NR3C2: variants seen among roughly 807,000 people sequenced by gnomAD.
NR3C2 encodes the protein mineralocorticoid receptor.
NR3C2 carries 15 observed loss-of-function variants against 86.4 expected under a neutral mutation model. The ratio of observed to expected loss-of-function variants is 0.17; its 90% confidence interval spans 0.12 to 0.27. NR3C2 has a LOEUF of 0.27. Ranked by LOEUF, NR3C2 falls within the 10% of genes least tolerant of loss-of-function variation. The pLI is 1.00. For missense variants in NR3C2, 960 were observed against 1,195.6 expected (o/e 0.80, Z 2.91); for synonymous variants, 458 against 450.5 (o/e 1.02, Z -0.21).
intron 3 of NR3C2, among the ~76,000 whole-genome samples, chr4:148,218,577 A>G (rs147666925): frequency 1.0e-3 from 153 of 152,164 alleles, no homozygotes; most frequent in Non-Finnish European, 1.9e-3. Flanking sequence ...TAAGTGCCCA[A>G]TTAGTCAATT....
chr4:148,303,922 C>T (rs1475422519), intron 2 of NR3C2, among the ~76,000 whole-genome samples: 1 of 152,222 alleles, frequency 6.6e-6, no homozygotes, highest in African/African-American at 2.4e-5. Flanking sequence ...GTTAAAGGCG[C>T]GTTGACCCCC....
Position 148,168,019 on chromosome 4 carries a change from C to T in NR3C2, c.2015-13118G>A, listed in dbSNP as rs72653834. On this transcript the variant is annotated intron_variant, in intron 4 of 8. Transcript: ENST00000358102. ...AGCAAACAAGCAGGCGGTCCTGCCA[C>T]TTCTAACCTTGAGAGAGTCTGAAGA... is the stretch of plus-strand genomic sequence containing the variant. 8.6e-3 allele frequency among the ~76,000 whole-genome samples: 1,309 copies of T among 152,322 alleles called. 13 individuals carry two copies. Among genetic ancestry groups the T allele is most frequent in the Middle Eastern group, 0.017 (5 of 294 alleles).
intron 3 of NR3C2, among the ~76,000 whole-genome samples, chr4:148,214,621 TCCAGCATCTTG>T (rs1737435702): frequency 6.6e-6 from 1 of 152,140 alleles, no homozygotes; most frequent in South Asian, 2.1e-4. Context: ...AAATGTGGGA[TCCAGCATCTTG>T]CCACAGAGCT....
At chr4:148,166,304 C>T (rs1367886462) in intron 4 of NR3C2, among the ~76,000 whole-genome samples, 1 of 152,194 alleles carries the variant, frequency 6.6e-6, no homozygotes, top group Non-Finnish European at 1.5e-5. Flanking sequence ...TCTTGAGGCA[C>T]TTTGATGATG....
rs988161277 is a variant in NR3C2 at position 148,079,476 on chromosome 4, G to A, written c.*1868C>T. On this transcript the variant is annotated 3_prime_UTR_variant, in exon 9 of 9. Transcript: ENST00000358102. ...TTCCTCGTGGCCATGGGCTTCTCCA[G>A]CTACAGCTTTTAGATTTTGGAAAAT... 1 of 152,542 alleles carries A rather than the reference G, an allele frequency of 6.6e-6. No homozygotes were observed. Among genetic ancestry groups the A allele is most frequent in the African/African-American group, 2.4e-5 (1 of 41,422 alleles). 9.4% of individuals were successfully genotyped at this position (152,542 alleles called of 1,614,324 possible).
At chr4:148,432,518 A>G (rs1270905950) in intron 2 of NR3C2, among the ~76,000 whole-genome samples, 1 of 152,156 alleles carries the variant, frequency 6.6e-6, no homozygotes, top group Non-Finnish European at 1.5e-5. Flanking sequence ...ACTTCCTTGA[A>G]AAGGTCTCAG....
intron 2 of NR3C2, among the ~76,000 whole-genome samples, chr4:148,326,400 C>CAAAA (rs1554009039): frequency 6.6e-6 from 1 of 151,274 alleles, no homozygotes; most frequent in Admixed American, 6.6e-5. Flanking sequence ...GACTCCATCT[C>CAAAA]AAATAAATAA....
At chr4:148,261,720 C>A (rs1740133083) in intron 2 of NR3C2, among the ~76,000 whole-genome samples, 1 of 152,086 alleles carries the variant, frequency 6.6e-6, no homozygotes, top group Admixed American at 6.5e-5. Context: ...GCCTCCAAGC[C>A]AAACAGCAGA....
chr4:148,134,641 C>CTT lies in NR3C2; in HGVS notation c.2511-14354_2511-14353insAA, dbSNP rs1379133428. Among the ~76,000 whole-genome samples the CTT allele has an allele frequency of 3.8e-3, 229 of 60,934 alleles. 20 individuals carry two copies. The highest frequency in any genetic ancestry group is 5.4e-3 in the Non-Finnish European group (160 of 29,698). 40.0% of individuals were successfully genotyped at this position (60,934 alleles called of 152,430 possible). Reference sequence around the variant, plus strand: ...TCCCTGTGATTCTCTCTCTCTCTCTCTCTTTTTTTTTTTTTTTTTTTTTTT... The same window carrying CTT: ...TCCCTGTGATTCTCTCTCTCTCTCTCTTTCTTTTTTTTTTTTTTTTTTTTTTT... On this transcript the variant is annotated intron_variant, in intron 6 of 8. Transcript: ENST00000358102.
chr4:148,137,941 A>G (rs1280527425), intron 6 of NR3C2, among the ~76,000 whole-genome samples: 1 of 152,178 alleles, frequency 6.6e-6, no homozygotes, highest in Non-Finnish European at 1.5e-5. Flanking sequence ...GTTTTATGTT[A>G]TTTATAATAT....
intron 2 of NR3C2, among the ~76,000 whole-genome samples, chr4:148,425,769 A>G (rs905023535): frequency 1.3e-5 from 2 of 152,194 alleles, no homozygotes; most frequent in African/African-American, 4.8e-5. Context: ...CTGGCTGCCT[A>G]TTATTTAGGA....
intron 6 of NR3C2, 190 bp downstream of exon 6, chr4:148,152,279 A>G: frequency 1.7e-6 from 1 of 572,866 alleles, no homozygotes; most frequent in Non-Finnish European, 3.1e-6. Flanking sequence ...ATATACACTC[A>G]GAAGCATACA....
At chr4:148,091,763 A>T (rs900018162) in intron 8 of NR3C2, among the ~76,000 whole-genome samples, 1 of 152,372 alleles carries the variant, frequency 6.6e-6, no homozygotes, top group South Asian at 2.1e-4. Context: ...ATGCATACAA[A>T]GCACTTGTAC....
intron 4 of NR3C2, among the ~76,000 whole-genome samples, chr4:148,161,667 A>G (rs563326370): frequency 1.3e-5 from 2 of 152,298 alleles, no homozygotes; most frequent in African/African-American, 4.8e-5. Flanking sequence ...CTGCATCTAT[A>G]TCTATAATAA....
chr4:148,276,212 G>C (rs1428658802), intron 2 of NR3C2, among the ~76,000 whole-genome samples: 1 of 152,070 alleles, frequency 6.6e-6, no homozygotes, highest in Non-Finnish European at 1.5e-5. Context: ...CGTGCAGTGG[G>C]GGACACCAGA....
chr4:148,175,217 A>G (rs72945966), intron 4 of NR3C2, among the ~76,000 whole-genome samples: 26,176 of 152,194 alleles, frequency 0.17, 2,537 homozygotes, highest in African/African-American at 0.25. Context: ...AAAAAAACCA[A>G]TGAAAGGACC....
upstream of NR3C2, chr4:148,444,084 C>G (rs2301280): frequency 0.011 from 10,743 of 985,406 alleles, 64 homozygotes; most frequent in East Asian, 0.037. Flanking sequence ...CCCGGCCCAG[C>G]GAACTGGGCA....
At chr4:148,354,726 A>G (rs1003773979) in intron 2 of NR3C2, among the ~76,000 whole-genome samples, 1 of 152,188 alleles carries the variant, frequency 6.6e-6, no homozygotes, top group Non-Finnish European at 1.5e-5. Flanking sequence ...ACATTCGTAT[A>G]TAAAGTATCT....
At chr4:148,125,617 T>C (rs558303873) in intron 6 of NR3C2, among the ~76,000 whole-genome samples, 9 of 152,218 alleles carry the variant, frequency 5.9e-5, no homozygotes, top group Middle Eastern at 3.2e-3. Context: ...TCTGTGTGTT[T>C]AGAAAAATTT....
Sources: allele counts gnomAD v4.1 joint callset (sites outside exome capture counted in the v4.1 genomes callset), GRCh38; gene constraint gnomAD v4.1.1; transcripts MANE v1.5; gene names NCBI Gene and HGNC (gene_info 2026-07-23, HGNC 2026-07-21).